Variants in DIS3L2 observed in about 807,000 individuals in gnomAD.
The protein encoded by DIS3L2 is DIS3 like 3'-5' exoribonuclease 2.
DIS3L2 carries 34 observed loss-of-function variants against 97.5 expected under a neutral mutation model. The observed-to-expected ratio is 0.35, with a 90% confidence interval of 0.27 to 0.46. The LOEUF is 0.46. DIS3L2 is among the 20% of genes least tolerant of loss of function. The pLI is 1.00. For missense variants in DIS3L2, 1,038 were observed against 1,146.0 expected (o/e 0.91, Z 1.36); for synonymous variants, 435 against 445.2 (o/e 0.98, Z 0.29).
chr2:232,149,561 G>A (rs1690338813), intron 8 of DIS3L2, among the ~76,000 whole-genome samples: 1 of 148,614 alleles, frequency 6.7e-6, no homozygotes, highest in Non-Finnish European at 1.5e-5. Flanking sequence ...ATTCCATGGT[G>A]TATTTGTGCC....
At chr2:232,313,085 C>T (rs962495433) in intron 14 of DIS3L2, among the ~76,000 whole-genome samples, 1 of 151,968 alleles carries the variant, frequency 6.6e-6, no homozygotes, top group African/African-American at 2.4e-5. Context: ...AATTCTCATG[C>T]CATGTATTTA....
chr2:232,109,213 A>G (rs1697449165), intron 6 of DIS3L2, among the ~76,000 whole-genome samples: 1 of 152,180 alleles, frequency 6.6e-6, no homozygotes, highest in Non-Finnish European at 1.5e-5. Flanking sequence ...CGTGAGGCCA[A>G]GGCAGGCGGA....
Position 232,145,288 on chromosome 2 carries a change from T to C in DIS3L2, c.950+8569T>C, listed in dbSNP as rs60617247. On this transcript the variant is annotated intron_variant, in intron 8 of 20. Transcript: ENST00000325385. ...GTTATTAATGGTATCTTCTGAAGAA[T>C]AGATGTTTGAAGTTGTCTTTTTTGT... 6.5e-4 allele frequency among the ~76,000 whole-genome samples: 99 copies of C among 152,322 alleles called. 1 individual carries two copies. Among genetic ancestry groups the C allele is most frequent in the African/African-American group, 2.3e-3 (94 of 41,590 alleles).
chr2:232,168,732 T>G (rs781590522), intron 9 of DIS3L2, among the ~76,000 whole-genome samples: 10 of 152,182 alleles, frequency 6.6e-5, no homozygotes, highest in Admixed American at 1.3e-4. Flanking sequence ...CATGTAGTTA[T>G]GTAGTGTCAG....
chr2:232,258,548 C>G (rs1693629170), intron 12 of DIS3L2, among the ~76,000 whole-genome samples: 1 of 143,984 alleles, frequency 6.9e-6, no homozygotes, highest in African/African-American at 2.6e-5. Flanking sequence ...CGTGCCACTG[C>G]ACTCCAACCT....
intron 6 of DIS3L2, chr2:232,111,142 G>A (rs1208860654): frequency 2.4e-6 from 1 of 424,100 alleles, no homozygotes; most frequent in African/African-American, 2.1e-5. Context: ...TTAAAAAACT[G>A]CTGTGCTTAA....
chr2:232,044,703 AAAG>A (rs558376986), intron 5 of DIS3L2, among the ~76,000 whole-genome samples: 138 of 152,224 alleles, frequency 9.1e-4, no homozygotes, highest in South Asian at 2.5e-3. Flanking sequence ...TAGAGAGATA[AAAG>A]AAGACCTCTG....
At chr2:232,100,402 TTTC>T (rs1482270909) in intron 6 of DIS3L2, among the ~76,000 whole-genome samples, 2 of 152,012 alleles carry the variant, frequency 1.3e-5, no homozygotes, top group Non-Finnish European at 2.9e-5. Flanking sequence ...TTTAATTTAA[TTTC>T]TTATTTTCCA....
intron 5 of DIS3L2, among the ~76,000 whole-genome samples, chr2:232,079,135 T>C (rs960249897): frequency 1.3e-5 from 2 of 152,206 alleles, no homozygotes; most frequent in Admixed American, 6.5e-5. Flanking sequence ...TATTTGTTGA[T>C]TCTGTTAGCA....
At chr2:232,209,021 T>C (rs1692111627) in intron 9 of DIS3L2, among the ~76,000 whole-genome samples, 1 of 152,168 alleles carries the variant, frequency 6.6e-6, no homozygotes, top group African/African-American at 2.4e-5. Context: ...ATTTGACATT[T>C]CTGAAATTCT....
At chr2:232,078,047 T>A (rs1489673433) in intron 5 of DIS3L2, among the ~76,000 whole-genome samples, 1 of 149,044 alleles carries the variant, frequency 6.7e-6, no homozygotes, top group African/African-American at 2.5e-5. Flanking sequence ...CTTTCTTTTT[T>A]TTTTTTTATT....
chr2:232,249,020 A>G (rs907623246), intron 11 of DIS3L2, among the ~76,000 whole-genome samples: 6 of 152,204 alleles, frequency 3.9e-5, no homozygotes, highest in Non-Finnish European at 4.4e-5. Flanking sequence ...TTCCCTTACC[A>G]GTTCTCCTCA....
chr2:232,148,195 GC>G (rs1299007191), intron 8 of DIS3L2, among the ~76,000 whole-genome samples: 1 of 151,908 alleles, frequency 6.6e-6, no homozygotes, highest in East Asian at 1.9e-4. Context: ...GATTACAGGT[GC>G]GCACCATCAT....
chr2:232,264,601 C>T (rs1046283334), intron 13 of DIS3L2, among the ~76,000 whole-genome samples: 1 of 152,168 alleles, frequency 6.6e-6, no homozygotes, highest in African/African-American at 2.4e-5. Flanking sequence ...GGGAAGTTTC[C>T]ACGTGTCTGA....
At chr2:232,102,120 G>A (rs946880327) in intron 6 of DIS3L2, among the ~76,000 whole-genome samples, 70 of 152,324 alleles carry the variant, frequency 4.6e-4, no homozygotes, top group African/African-American at 1.5e-3. Flanking sequence ...ATCATTGTCT[G>A]TGAAGCATTC....
intron 14 of DIS3L2, among the ~76,000 whole-genome samples, chr2:232,300,652 CTTT>C (rs35570747): frequency 2.2e-4 from 27 of 121,418 alleles, no homozygotes; most frequent in East Asian, 9.6e-4. Flanking sequence ...TAGACTGCTC[CTTT>C]TTTTTTTTTT....
intron 6 of DIS3L2, among the ~76,000 whole-genome samples, chr2:232,115,905 A>C (rs1324326465): frequency 6.6e-6 from 1 of 152,140 alleles, no homozygotes; most frequent in African/African-American, 2.4e-5. Context: ...TGGCTCACAC[A>C]CAGGATTACA....
At chr2:232,329,785 T>TCCCCGGGGGGGGCCCCCCCC in intron 14 of DIS3L2, 28 bp from the exon 15 acceptor site, 18 of 967,116 alleles carry the variant, frequency 1.9e-5, no homozygotes, top group East Asian at 6.2e-5. Context: ...ACCCCAGCGG[T>TCCCCGGGGGGGGCCCCCCCC]CCCTCCCATC....
At chr2:232,209,833 C>G (rs1160534788) in intron 9 of DIS3L2, among the ~76,000 whole-genome samples, 1 of 152,198 alleles carries the variant, frequency 6.6e-6, no homozygotes, top group Non-Finnish European at 1.5e-5. Context: ...TATAATTATT[C>G]TGTGGAAACA....
Sources: allele counts gnomAD v4.1 joint callset (sites outside exome capture counted in the v4.1 genomes callset), GRCh38; gene constraint gnomAD v4.1.1; transcripts MANE v1.5; gene names NCBI Gene and HGNC (gene_info 2026-07-23, HGNC 2026-07-21).